Variants in TNRC6B observed in about 807,000 individuals in gnomAD.
TNRC6B encodes the protein trinucleotide repeat-containing gene 6B protein.
TNRC6B carries 52 observed loss-of-function variants against 203.6 expected under a neutral mutation model. The observed-to-expected ratio is 0.26, with a 90% CI of 0.20 to 0.32. The LOEUF (loss-of-function observed/expected upper bound fraction) is 0.32. Among genes scored for constraint, TNRC6B ranks in the 10% least tolerant of loss-of-function variants. The pLI is 1.00. For synonymous variants in TNRC6B, 838 were observed against 845.7 expected, an observed-to-expected ratio of 0.99 and a Z score of 0.16; for missense variants, 1,923 against 2,286.2, an observed-to-expected ratio of 0.84 and a Z score of 3.24.
In TNRC6B at chr22:40,323,123, C is replaced by T. The variant is rs866297598; in HGVS notation, c.5384C>T (p.Pro1795Leu). ...CTTGCTGGCGCTTCATTGTGGGGGC[C>T]CCCAAACTATTCTTCTAGCTTATGG... ...ADLAGASLWG[P>L]PNYSSSLWGV... The change falls in exon 23 of 23, where the codon CCC becomes CTC. Residue 1795 changes from proline to leucine, a missense_variant. Around this residue, in one of 8 missense-constraint regions of TNRC6B, gnomAD observed 126 missense variants for 137.5 expected, o/e 0.92. Transcript: ENST00000454349. 2 of 1,613,030 alleles carry T rather than the reference C, an allele frequency of 1.2e-6. No homozygotes were observed. The highest frequency in any genetic ancestry group is 1.7e-6 in the Non-Finnish European group (2 of 1,179,518).
Position 40,331,493 on chromosome 22 carries a change from C to T in TNRC6B, c.*8252C>T, listed in dbSNP as rs2071465148. The T allele has an allele frequency of 2.7e-6, 1 of 365,752 alleles. No individual in the cohort carries two copies. Among genetic ancestry groups the T allele is most frequent in the Non-Finnish European group, 4.9e-6 (1 of 203,910 alleles). 22.7% of individuals were successfully genotyped at this position (365,752 alleles called of 1,614,324 possible). On this transcript the variant is annotated 3_prime_UTR_variant, in exon 23 of 23. Coordinates refer to ENST00000454349, the MANE Select transcript of TNRC6B (RefSeq NM_001162501.2). ...GAGCTCCCCCAAAGAGGAGAACAGT[C>T]CCTCCCACTCGATTCCTTCAGCTTC...
intron 4 of TNRC6B, among the ~76,000 whole-genome samples, chr22:40,161,510 A>C (rs1481764522): frequency 6.6e-6 from 1 of 151,028 alleles, no homozygotes; most frequent in African/African-American, 2.4e-5. Flanking sequence ...AGGTTCCCAA[A>C]ACCTCAAAAA....
rs893138185 is a variant in TNRC6B, at chr22:40,254,645, T to A, written c.115+3445T>A. Among the ~76,000 whole-genome samples the A allele has an allele frequency of 2.6e-5, 4 of 152,306 alleles. No individual in the cohort carries two copies. In the South Asian group the frequency reaches 8.3e-4, roughly 32 times the overall value. Reference sequence around the variant, plus strand: ...GCTCACGCCTGTAATGCCAACACTTTGGGAGGCCGAGGTGGGCAGATCACA... The same window carrying A: ...GCTCACGCCTGTAATGCCAACACTTAGGGAGGCCGAGGTGGGCAGATCACA... On this transcript the variant is annotated intron_variant, in intron 3 of 22. Coordinates refer to ENST00000454349, the MANE Select transcript of TNRC6B (RefSeq NM_001162501.2).
In TNRC6B at chr22:40,268,379, C is replaced by T. The variant is rs181818808; in HGVS notation, c.2806+1343C>T. Among the ~76,000 whole-genome samples the T allele has an allele frequency of 6.2e-4, 94 of 152,278 alleles. 1 individual carries two copies. The highest frequency in any genetic ancestry group is 4.4e-3 in the South Asian group (21 of 4,826). On this transcript the variant is annotated intron_variant, in intron 5 of 22. Transcript: ENST00000454349. ...GGGATTACAGGCATGAGCCACTGTG[C>T]CCAGCCAAGAATCAGTTTTCTCCGA...
chr22:40,321,277 C>A, intron 22 of TNRC6B, 48 bp downstream of exon 22: 1 of 1,597,000 alleles, frequency 6.3e-7, no homozygotes, highest in Middle Eastern at 1.8e-4. Context: ...CATGAAGATG[C>A]ACCCGTGAGT....
chr22:40,277,799 A>G (rs888879362), intron 8 of TNRC6B, among the ~76,000 whole-genome samples, 200 bp from the exon 9 acceptor site: 3 of 152,200 alleles, frequency 2.0e-5, no homozygotes, highest in Non-Finnish European at 4.4e-5. Flanking sequence ...GTATGTGAAA[A>G]CTGAATTGTA....
At chr22:40,061,969 G>A (rs1049989215) in intron 1 of TNRC6B, among the ~76,000 whole-genome samples, 2 of 152,050 alleles carry the variant, frequency 1.3e-5, no homozygotes, top group Admixed American at 1.3e-4. Flanking sequence ...AGCTACATGG[G>A]AGGCTGAGGC....
chr22:40,048,376 TA>T (rs1237535906), intron 1 of TNRC6B, among the ~76,000 whole-genome samples: 1 of 152,000 alleles, frequency 6.6e-6, no homozygotes, highest in Non-Finnish European at 1.5e-5. Flanking sequence ...CCGTCTCTAC[TA>T]AAAATACAAA....
chr22:40,113,955 A>G (rs1197145705), intron 1 of TNRC6B, among the ~76,000 whole-genome samples: 1 of 152,194 alleles, frequency 6.6e-6, no homozygotes, highest in Admixed American at 6.5e-5. Context: ...TTGCGACTCA[A>G]TTAAAAGTTT....
intron 1 of TNRC6B, among the ~76,000 whole-genome samples, chr22:40,181,937 C>A (rs1935673134): frequency 3.3e-5 from 4 of 122,966 alleles, no homozygotes; most frequent in African/African-American, 1.5e-4. Context: ...CAGCTAGACC[C>A]TGTCTCGAGA....
At chr22:40,158,379 TAAATAAATAAAG>T (rs1202725801) in intron 4 of TNRC6B, among the ~76,000 whole-genome samples, 4 of 149,338 alleles carry the variant, frequency 2.7e-5, no homozygotes, top group Middle Eastern at 3.5e-3. Context: ...AATAAATAAA[TAAATAAATAAAG>T]AGGGAGTTGA....
chr22:40,250,478 A>C lies in TNRC6B; in HGVS notation c.94-701A>C, dbSNP rs1013795010. Among the ~76,000 whole-genome samples the C allele has an allele frequency of 5.3e-5, 8 of 152,172 alleles. No homozygotes were observed. The South Asian group carries it at 1.7e-3, about 32-fold the overall frequency. ...GAAATACTTTCTTTTTTTTTTAACA[A>C]AGCACCCTTGATTTGTCCAAAATTT... On this transcript the variant is annotated intron_variant, in intron 2 of 22. Transcript: ENST00000454349.
chr22:40,298,783 G>A (rs554689377), intron 12 of TNRC6B, among the ~76,000 whole-genome samples: 57 of 152,088 alleles, frequency 3.7e-4, no homozygotes, highest in African/African-American at 1.3e-3. Context: ...TGGCTAACAC[G>A]GTGAAACCCC....
At chr22:40,181,316 G>T (rs1240441697) in intron 1 of TNRC6B, among the ~76,000 whole-genome samples, 1 of 152,100 alleles carries the variant, frequency 6.6e-6, no homozygotes, top group Non-Finnish European at 1.5e-5. Context: ...TGGCTATTGA[G>T]GACCACCCTG....
chr22:40,112,278 G>T (rs890856736), intron 1 of TNRC6B, among the ~76,000 whole-genome samples: 1 of 152,200 alleles, frequency 6.6e-6, no homozygotes, highest in Non-Finnish European at 1.5e-5. Context: ...TTCCAGGGGG[G>T]TGGGTGAAGG....
chr22:40,248,484 C>T (rs1362342941), intron 2 of TNRC6B, among the ~76,000 whole-genome samples: 1 of 152,180 alleles, frequency 6.6e-6, no homozygotes, highest in Non-Finnish European at 1.5e-5. Context: ...TCATTTTTAA[C>T]ATACATAACA....
chr22:40,132,644 CAAAAAAA>C (rs35771828), intron 3 of TNRC6B, among the ~76,000 whole-genome samples: 2 of 65,088 alleles, frequency 3.1e-5, no homozygotes, highest in African/African-American at 1.1e-4. Flanking sequence ...GACTCCATCT[CAAAAAAA>C]AAAAAAAAAA....
At chr22:40,244,611 T>C (rs2070079315) in intron 1 of TNRC6B, among the ~76,000 whole-genome samples, 1 of 152,348 alleles carries the variant, frequency 6.6e-6, no homozygotes, top group Admixed American at 6.5e-5. Context: ...ATCTTTATGA[T>C]TTTGCCATGT....
chr22:40,181,775 A>G (rs1354660934), intron 1 of TNRC6B, among the ~76,000 whole-genome samples: 1 of 151,996 alleles, frequency 6.6e-6, no homozygotes, highest in African/African-American at 2.4e-5. Context: ...CCCTGTCCCT[A>G]CAAGAAATTT....
Sources: gnomAD v4.1 joint callset for allele counts (sites outside exome capture counted in the v4.1 genomes callset) on GRCh38, gnomAD v4.1.1 for gene constraint, gnomAD v4.1.1 regional missense constraint, MANE v1.5 for transcripts, NCBI Gene and HGNC (gene_info 2026-07-23, HGNC 2026-07-21) for gene names.